The following ADCY8 variants were observed in gnomAD, a reference collection of about 807,000 sequenced individuals.
ADCY8 encodes adenylate cyclase 8, also known as adenylate cyclase type 8.
ADCY8 carries 51 observed loss-of-function variants against 119.7 expected under a neutral mutation model. The observed-to-expected ratio is 0.43, with a 90% confidence interval of 0.34 to 0.54. The LOEUF is 0.54. Among genes scored for constraint, ADCY8 ranks in the 20% least tolerant of loss-of-function variants. ADCY8 has a pLI of 0.03. For synonymous variants in ADCY8, 665 were observed against 651.0 expected (o/e 1.02, Z -0.33); for missense variants, 1,383 against 1,598.8 (o/e 0.87, Z 2.30).
At position 131,040,061 on chromosome 8, in the gene ADCY8, G is replaced by C. The variant is rs1824323529; in HGVS notation, c.273C>G (p.Leu91=). The stretch of plus-strand genomic sequence containing the variant: ...CTCGCTCTCCCGGGCCCAGCGAGTA[G>C]AGGGGCAGCGCCGAGTCGCCTGACA... The part of the protein sequence containing the change: ...PQLSGDSALP[L]YSLGPGERAH... The change falls in exon 1 of 18, where the codon CTC becomes CTG. Residue 91 remains leucine, a synonymous_variant. Transcript: ENST00000286355. 6.5e-7 allele frequency: 1 copy of C among 1,543,792 alleles called. No homozygotes were observed. Among genetic ancestry groups the C allele is most frequent in the South Asian group, 1.2e-5 (1 of 84,058 alleles).
chr8:130,913,472 C>T (rs961656687), intron 5 of ADCY8, among the ~76,000 whole-genome samples: 1 of 152,030 alleles, frequency 6.6e-6, no homozygotes, highest in Non-Finnish European at 1.5e-5. Flanking sequence ...TTACTTTTGA[C>T]CAATGAAATA....
At position 130,859,855 on chromosome 8, in the gene ADCY8, A is replaced by G. The variant is rs541207089; in HGVS notation, c.2210+7991T>C. ...ACCTAACGATCTATTTACCATTTCT[A>G]TAGTTTTGTCTTTTCCAGAACATTA... On this transcript the variant is annotated intron_variant, in intron 9 of 17. Transcript: ENST00000286355. Among the ~76,000 whole-genome samples, 6 of 152,204 alleles carry G rather than the reference A, an allele frequency of 3.9e-5. No individual in the cohort carries two copies. In the South Asian group the frequency reaches 1.0e-3, roughly 26 times the overall value.
chr8:130,903,990 C>T lies in ADCY8; in HGVS notation c.1693G>A (p.Val565Met), dbSNP rs62640020. The change falls in exon 7 of 18, where the codon GTG becomes ATG. Residue 565 changes from valine (V) to methionine (M), a missense_variant. By Grantham distance (21) the Val-to-Met change is conservative. This residue lies in a region of ADCY8 where 928 missense variants were observed against 1,163.5 expected (regional missense o/e 0.80). Coordinates refer to ENST00000286355, the MANE Select transcript of ADCY8 (RefSeq NM_001115.3). The part of the protein sequence containing the change: ...TLDCLNGDYN[V>M]EEGHGKERNE... ...CTCTCTTTACCATGGCCCTCTTCCA[C>T]GTTATAGTCACCGTTGAGACAGTCC... 2.1e-5 allele frequency: 34 copies of T among 1,614,058 alleles called. No individual in the cohort carries two copies. The African/African-American group carries it at 2.1e-4, about 10-fold the overall frequency.
chr8:130,920,144 TAAAAA>T (rs71304399), intron 5 of ADCY8, among the ~76,000 whole-genome samples: 2 of 99,812 alleles, frequency 2.0e-5, no homozygotes, highest in Non-Finnish European at 3.8e-5. Flanking sequence ...CTCCGTTTCT[TAAAAA>T]AAAAAAAAAA....
intron 12 of ADCY8, among the ~76,000 whole-genome samples, chr8:130,824,319 A>G (rs1816607030): frequency 6.6e-6 from 1 of 152,162 alleles, no homozygotes; most frequent in Admixed American, 6.6e-5. Flanking sequence ...TAATTGTCAT[A>G]TCAACAATCA....
Position 130,992,466 on chromosome 8 carries a change from G to A in ADCY8, c.961-1924C>T, listed in dbSNP as rs192608709. 6.5e-4 allele frequency among the ~76,000 whole-genome samples: 85 copies of A among 130,290 alleles called. 3 individuals carry two copies. The East Asian group carries it at 0.017, about 26-fold the overall frequency. 85.5% of individuals were successfully genotyped at this position (130,290 alleles called of 152,430 possible). A position where few individuals can be genotyped will look rare whatever the true frequency, so the allele number is the denominator to read the frequency against. On this transcript the variant is annotated intron_variant, in intron 1 of 17. Coordinates refer to ENST00000286355, the MANE Select transcript of ADCY8 (RefSeq NM_001115.3). ...GTCTCACTCTGTCACCCAGGCAGGA[G>A]TGCAGTAGCACAATCTTGGCTCACT...
intron 5 of ADCY8, among the ~76,000 whole-genome samples, chr8:130,930,573 T>C (rs1309633655): frequency 6.6e-6 from 1 of 152,070 alleles, no homozygotes; most frequent in Admixed American, 6.6e-5. Context: ...TTTTTGTGTA[T>C]TTACTATAGG....
intron 1 of ADCY8, among the ~76,000 whole-genome samples, chr8:131,012,294 G>A (rs1823332293): frequency 6.6e-6 from 1 of 152,184 alleles, no homozygotes; most frequent in Non-Finnish European, 1.5e-5. Context: ...AGAGGTTAGA[G>A]TCTGGGTCAC....
At chr8:130,817,058 G>A (rs1816370206) in intron 13 of ADCY8, among the ~76,000 whole-genome samples, 1 of 152,072 alleles carries the variant, frequency 6.6e-6, no homozygotes, top group African/African-American at 2.4e-5. Context: ...ATACCCTAAG[G>A]ATAAAAAGAG....
At chr8:130,859,363 C>A (rs191622463) in intron 9 of ADCY8, among the ~76,000 whole-genome samples, 1 of 152,306 alleles carries the variant, frequency 6.6e-6, no homozygotes, top group East Asian at 1.9e-4. Flanking sequence ...TGACTCCCAC[C>A]ATCTGCCATC....
intron 1 of ADCY8, among the ~76,000 whole-genome samples, chr8:131,016,175 G>A (rs898799000): frequency 6.6e-6 from 1 of 152,110 alleles, no homozygotes; most frequent in East Asian, 1.9e-4. Context: ...GCAGTTAAAG[G>A]GGAGAGTAAC....
At chr8:130,951,813 A>C in intron 3 of ADCY8, 55 bp downstream of exon 3, 1 of 1,595,370 alleles carries the variant, frequency 6.3e-7, no homozygotes, top group Non-Finnish European at 8.6e-7. Context: ...CAATGAGAGC[A>C]CCCAAACACA....
At chr8:131,035,921 T>C (rs1824138489) in intron 1 of ADCY8, among the ~76,000 whole-genome samples, 1 of 152,204 alleles carries the variant, frequency 6.6e-6, no homozygotes, top group Non-Finnish European at 1.5e-5. Context: ...ATGAGCTAGC[T>C]ACAATGAGCC....
intron 3 of ADCY8, 25 bp downstream of exon 3, chr8:130,951,842 CG>C (rs780010245): frequency 3.1e-6 from 5 of 1,612,612 alleles, no homozygotes; most frequent in Non-Finnish European, 3.4e-6. Context: ...ATGCAAGAGC[CG>C]GGGCAAGGGT....
At chr8:130,923,802 A>C (rs1820383439) in intron 5 of ADCY8, among the ~76,000 whole-genome samples, 1 of 152,256 alleles carries the variant, frequency 6.6e-6, no homozygotes, top group Admixed American at 6.5e-5. Flanking sequence ...ATTGGAAATA[A>C]AATTACATTC....
At chr8:130,832,036 A>G (rs997074904) in intron 12 of ADCY8, among the ~76,000 whole-genome samples, 2 of 152,204 alleles carry the variant, frequency 1.3e-5, no homozygotes, top group African/African-American at 4.8e-5. Context: ...AAGTTAAATC[A>G]TTTTAAATTA....
chr8:130,792,393 C>T (rs1815451247), intron 15 of ADCY8, among the ~76,000 whole-genome samples: 1 of 152,182 alleles, frequency 6.6e-6, no homozygotes. Context: ...AATACAATCT[C>T]TTTGCTGAAA....
chr8:130,988,582 G>A (rs17327900), intron 2 of ADCY8, among the ~76,000 whole-genome samples: 12,132 of 152,200 alleles, frequency 0.08, 533 homozygotes, highest in Middle Eastern at 0.17. Flanking sequence ...AGTAGCTTAG[G>A]TGGCCCAACT....
chr8:130,942,887 A>G (rs1820997539), intron 4 of ADCY8, among the ~76,000 whole-genome samples: 1 of 152,250 alleles, frequency 6.6e-6, no homozygotes, highest in South Asian at 2.1e-4. Context: ...GGCTAAAAAC[A>G]AAGCTCTTAA....
Sources: allele counts gnomAD v4.1 joint callset (sites outside exome capture counted in the v4.1 genomes callset), GRCh38; gene constraint gnomAD v4.1.1; regional missense constraint gnomAD v4.1.1; transcripts MANE v1.5; gene names NCBI Gene and HGNC (gene_info 2026-07-23, HGNC 2026-07-21).